Variants in PIK3C2G observed in about 807,000 individuals in gnomAD.
The protein encoded by PIK3C2G is phosphatidylinositol-4-phosphate 3-kinase catalytic subunit type 2 gamma.
PIK3C2G carries 168 observed loss-of-function variants against 181.1 expected under a neutral mutation model. The observed-to-expected ratio is 0.93, with a 90% confidence interval of 0.82 to 1.05. PIK3C2G has a LOEUF of 1.05. PIK3C2G is among the 50% of genes least tolerant of loss of function. PIK3C2G has a pLI of 0.00. For synonymous variants in PIK3C2G, 573 were observed against 592.2 expected, an observed-to-expected ratio of 0.97 and a Z score of 0.47; for missense variants, 1,869 against 1,732.8, an observed-to-expected ratio of 1.08 and a Z score of -1.40.
At chr12:18,566,689 A>AAAGACAAAG (rs1945652998) in intron 28 of PIK3C2G, among the ~76,000 whole-genome samples, 4 of 152,184 alleles carry the variant, frequency 2.6e-5, no homozygotes, top group Admixed American at 6.5e-5. Context: ...TCTGCCATAA[A>AAAGACAAAG]TATAGTAAGA....
chr12:18,270,018 T>C (rs1270871520), intron 1 of PIK3C2G, among the ~76,000 whole-genome samples: 1 of 151,386 alleles, frequency 6.6e-6, no homozygotes, highest in Non-Finnish European at 1.5e-5. Context: ...CAAGCAATTC[T>C]CCTGCCTCAG....
At chr12:18,540,722 A>C (rs1944108657) in intron 25 of PIK3C2G, among the ~76,000 whole-genome samples, 1 of 151,952 alleles carries the variant, frequency 6.6e-6, no homozygotes, top group South Asian at 2.1e-4. Context: ...TTTTAGGCTA[A>C]GGAAGAAAAT....
Position 18,305,208 on chromosome 12 carries a change from T to C in PIK3C2G, c.1035-8754T>C, listed in dbSNP as rs564715216. Among the ~76,000 whole-genome samples, 5 of 152,310 alleles carry C rather than the reference T, an allele frequency of 3.3e-5. No homozygotes were observed. In the South Asian group the frequency reaches 1.0e-3, roughly 32 times the overall value. On this transcript the variant is annotated intron_variant, in intron 5 of 32. Transcript: ENST00000538779. ...TAATTCTGTGCTAGAACAAATGTCC[T>C]CATATGTAGATACTCTGTATATACC...
At chr12:18,447,139 C>T (rs1197022150) in intron 18 of PIK3C2G, among the ~76,000 whole-genome samples, 1 of 151,986 alleles carries the variant, frequency 6.6e-6, no homozygotes, top group Admixed American at 6.6e-5. Context: ...GTCATGTTAC[C>T]CCTATTTGGT....
intron 13 of PIK3C2G, chr12:18,372,586 A>C (rs541391057): frequency 1.3e-5 from 2 of 152,248 alleles, no homozygotes; most frequent in African/African-American, 4.8e-5. Context: ...AGTTTCCTTA[A>C]AGTTTTACCT....
chr12:18,650,712 C>CTATCTA (rs1950456326), downstream of PIK3C2G, among the ~76,000 whole-genome samples: 2 of 14,618 alleles, frequency 1.4e-4, no homozygotes, highest in African/African-American at 5.7e-4. Context: ...GTGTATATAT[C>CTATCTA]TATATATATA....
At chr12:18,648,713 C>A (rs1950288009), downstream of PIK3C2G, among the ~76,000 whole-genome samples, 2 of 152,050 alleles carry the variant, frequency 1.3e-5, no homozygotes, top group South Asian at 4.1e-4. Flanking sequence ...CTGAAACTCT[C>A]CCTTCTGATC....
the PIK3C2G span, among the ~76,000 whole-genome samples, chr12:18,660,207 C>T: frequency 6.6e-6 from 1 of 152,114 alleles, no homozygotes; most frequent in Non-Finnish European, 1.5e-5. Flanking sequence ...TCAGCAGTGG[C>T]TATCCATCCC....
At chr12:18,427,196 G>A (rs1351356600) in intron 18 of PIK3C2G, among the ~76,000 whole-genome samples, 2 of 151,668 alleles carry the variant, frequency 1.3e-5, no homozygotes, top group East Asian at 3.9e-4. Context: ...AATATATAAA[G>A]TATAAAATAT....
chr12:18,296,357 GC>G (rs1260787499), intron 5 of PIK3C2G, among the ~76,000 whole-genome samples: 1 of 152,070 alleles, frequency 6.6e-6, no homozygotes, highest in Non-Finnish European at 1.5e-5. Flanking sequence ...TCTGGGTGAG[GC>G]CTGAGGCTGT....
At chr12:18,334,323 C>A (rs1395677361) in intron 8 of PIK3C2G, among the ~76,000 whole-genome samples, 2 of 152,064 alleles carry the variant, frequency 1.3e-5, no homozygotes, top group Admixed American at 6.6e-5. Flanking sequence ...TCAAAAGAAC[C>A]TTTCTAGGTG....
chr12:18,552,808 T>G (rs1279260346), intron 26 of PIK3C2G, among the ~76,000 whole-genome samples: 1 of 152,126 alleles, frequency 6.6e-6, no homozygotes, highest in East Asian at 1.9e-4. Flanking sequence ...ATTTCTGCAG[T>G]AGGGGAAATG....
At position 18,440,972 on chromosome 12, in the gene PIK3C2G, T is replaced by C. The variant is rs369841764; in HGVS notation, c.2504+16933T>C. Among the ~76,000 whole-genome samples the C allele has an allele frequency of 1.1e-4, 17 of 152,110 alleles. No homozygotes were observed. In the East Asian group the frequency reaches 2.5e-3, roughly 23 times the overall value. On this transcript the variant is annotated intron_variant, in intron 18 of 32. Transcript: ENST00000538779. The stretch of plus-strand genomic sequence containing the variant: ...ATTAACAGAGAAGGTCATAGGAGAA[T>C]GAATACAAATAGAAAGGAAAAGAAG...
chr12:18,391,205 G>A lies in PIK3C2G; in HGVS notation c.2079G>A (p.Glu693=). 6.2e-7 allele frequency: 1 copy of A among 1,609,050 alleles called. No homozygotes were observed. Among genetic ancestry groups the A allele is most frequent in the South Asian group, 1.1e-5 (1 of 90,410 alleles). Residue 693 remains glutamate (E), a synonymous_variant, in exon 15 of 33, where the codon GAG becomes GAA. Transcript: ENST00000538779. The stretch of plus-strand genomic sequence containing the variant: ...GTAATCTTGAAGAGCCACTAAAGGA[G>A]TGTATAAAACATATTGCCAGACTTT... ...NRSNLEEPLK[E]CIKHIARLSQ... is the part of the protein sequence containing the mutation.
intron 24 of PIK3C2G, among the ~76,000 whole-genome samples, chr12:18,508,880 T>C (rs1051766655): frequency 6.6e-6 from 1 of 152,056 alleles, no homozygotes; most frequent in Admixed American, 6.6e-5. Flanking sequence ...ACAATAACCC[T>C]AGGTCATAGT....
intron 8 of PIK3C2G, among the ~76,000 whole-genome samples, chr12:18,338,016 A>G (rs1938711640): frequency 1.3e-5 from 2 of 152,132 alleles, no homozygotes; most frequent in African/African-American, 2.4e-5. Context: ...GTCGGCCATC[A>G]TAACTTTTTC....
chr12:18,345,086 T>C (rs978151480), intron 10 of PIK3C2G, among the ~76,000 whole-genome samples: 1 of 152,186 alleles, frequency 6.6e-6, no homozygotes, highest in Non-Finnish European at 1.5e-5. Context: ...TGTGTTCACT[T>C]GCACAATGTT....
intron 11 of PIK3C2G, among the ~76,000 whole-genome samples, chr12:18,357,445 T>G (rs1415772140): frequency 1.3e-5 from 2 of 152,172 alleles, no homozygotes; most frequent in African/African-American, 4.8e-5. Context: ...ATCCTATGAA[T>G]TCATTAAATG....
the PIK3C2G span, chr12:18,701,416 T>C: frequency 6.3e-7 from 1 of 1,596,230 alleles, no homozygotes; most frequent in South Asian, 1.1e-5. Flanking sequence ...AAATGATTTT[T>C]CTCCAGAATT....
Sources: gnomAD v4.1 joint callset for allele counts (sites outside exome capture counted in the v4.1 genomes callset) on GRCh38, gnomAD v4.1.1 for gene constraint, MANE v1.5 for transcripts, NCBI Gene and HGNC (gene_info 2026-07-23, HGNC 2026-07-21) for gene names.